NKAIN2: variants seen among roughly 807,000 people sequenced by gnomAD.
The protein encoded by NKAIN2 is sodium/potassium transporting ATPase interacting 2.
In NKAIN2, 14 loss-of-function variants were observed where a neutral mutation model predicts 32.6. The ratio of observed to expected loss-of-function variants is 0.43; its 90% confidence interval spans 0.28 to 0.67. The LOEUF (loss-of-function observed/expected upper bound fraction) is 0.67. NKAIN2 is among the 30% of genes least tolerant of loss of function. NKAIN2 has a pLI of 0.17. For synonymous variants in NKAIN2, 80 were observed against 87.2 expected (o/e 0.92, Z 0.46); for missense variants, 198 against 258.3 (o/e 0.77, Z 1.60).
intron 2 of NKAIN2, among the ~76,000 whole-genome samples, chr6:124,351,238 G>T (rs949879701): frequency 1.3e-5 from 2 of 152,040 alleles, no homozygotes; most frequent in African/African-American, 4.8e-5. Flanking sequence ...CAATATGATG[G>T]AACAATGTTT....
At chr6:123,948,461 C>T (rs1231536691) in intron 1 of NKAIN2, among the ~76,000 whole-genome samples, 2 of 151,846 alleles carry the variant, frequency 1.3e-5, no homozygotes, top group African/African-American at 4.8e-5. Flanking sequence ...ATAATTTTAA[C>T]TAGAGTAAGA....
intron 3 of NKAIN2, among the ~76,000 whole-genome samples, chr6:124,614,403 T>TAATC (rs1472451040): frequency 6.6e-6 from 1 of 152,086 alleles, no homozygotes; most frequent in East Asian, 1.9e-4. Flanking sequence ...CGAAAAAAAT[T>TAATC]AATCATCCAC....
At chr6:124,368,866 C>T (rs1799629731) in intron 3 of NKAIN2, among the ~76,000 whole-genome samples, 1 of 152,106 alleles carries the variant, frequency 6.6e-6, no homozygotes, top group Non-Finnish European at 1.5e-5. Context: ...TTCTCAGCAA[C>T]CTTTTATTCT....
rs185537946 is a variant in NKAIN2, at chr6:124,543,561, A to G, written c.274-114625A>G. 1.7e-3 allele frequency among the ~76,000 whole-genome samples: 260 copies of G among 152,342 alleles called. 1 individual carries two copies. Among genetic ancestry groups the G allele is most frequent in the Non-Finnish European group, 3.0e-3 (201 of 68,034 alleles). ...AGATTTAAATTATTATTGTATAATA[A>G]GGTGTTAAATTAGAAATTTTGACTG... is the stretch of plus-strand genomic sequence containing the variant. On this transcript the variant is annotated intron_variant, in intron 3 of 6. Transcript: ENST00000368417.
At chr6:123,952,018 G>T (rs1777350731) in intron 1 of NKAIN2, among the ~76,000 whole-genome samples, 1 of 151,770 alleles carries the variant, frequency 6.6e-6, no homozygotes, top group Non-Finnish European at 1.5e-5. Context: ...GTGTTTTCAT[G>T]ATGGTACATA....
intron 5 of NKAIN2, among the ~76,000 whole-genome samples, chr6:124,804,008 A>C (rs1335715652): frequency 6.6e-6 from 1 of 152,140 alleles, no homozygotes; most frequent in Admixed American, 6.5e-5. Flanking sequence ...TCCTCACTTT[A>C]CAGAGGAAGA....
chr6:123,898,109 T>C (rs1453762598), intron 1 of NKAIN2, among the ~76,000 whole-genome samples: 1 of 152,196 alleles, frequency 6.6e-6, no homozygotes, highest in Non-Finnish European at 1.5e-5. Context: ...GATCTCATCA[T>C]TGCAGGATGA....
intron 4 of NKAIN2, among the ~76,000 whole-genome samples, chr6:124,727,829 C>T (rs1322264533): frequency 1.3e-5 from 2 of 150,254 alleles, no homozygotes; most frequent in Non-Finnish European, 3.0e-5. Context: ...TGTGCAGAGA[C>T]ACACATAGGC....
intron 3 of NKAIN2, among the ~76,000 whole-genome samples, chr6:124,657,610 T>A (rs985028962): frequency 1.4e-4 from 22 of 152,034 alleles, no homozygotes; most frequent in African/African-American, 5.3e-4. Context: ...TCACAAAAAG[T>A]GATAAGATTG....
At chr6:124,115,902 A>T (rs2114979238) in intron 1 of NKAIN2, among the ~76,000 whole-genome samples, 2 of 152,194 alleles carry the variant, frequency 1.3e-5, no homozygotes, top group East Asian at 3.9e-4. Context: ...GTTTTGAATA[A>T]TGTTGGTGTC....
At chr6:124,016,580 T>A (rs1011911617) in intron 1 of NKAIN2, among the ~76,000 whole-genome samples, 2 of 152,158 alleles carry the variant, frequency 1.3e-5, no homozygotes. Context: ...TTTCACTTTC[T>A]CTGAGCCTAC....
chr6:124,205,192 G>A (rs944676896), intron 1 of NKAIN2, among the ~76,000 whole-genome samples: 2 of 151,758 alleles, frequency 1.3e-5, no homozygotes, highest in African/African-American at 2.4e-5. Context: ...AGATGAAGAT[G>A]GCTATGAAGG....
At chr6:123,914,706 G>C (rs542794002) in intron 1 of NKAIN2, among the ~76,000 whole-genome samples, 2 of 152,176 alleles carry the variant, frequency 1.3e-5, no homozygotes, top group South Asian at 4.1e-4. Flanking sequence ...GTCTCTCTCT[G>C]CCCTTAACTG....
intron 1 of NKAIN2, among the ~76,000 whole-genome samples, chr6:123,892,572 T>G (rs137959627): frequency 6.6e-6 from 1 of 152,002 alleles, no homozygotes; most frequent in Non-Finnish European, 1.5e-5. Flanking sequence ...GGGATTATTA[T>G]AATTCAAAAT....
intron 2 of NKAIN2, among the ~76,000 whole-genome samples, chr6:124,284,719 G>A (rs186678025): frequency 1.1e-3 from 167 of 151,902 alleles, no homozygotes; most frequent in African/African-American, 3.6e-3. Context: ...CCCTAGCACC[G>A]TGCTTGATAT....
At chr6:124,732,553 G>T (rs556929988) in intron 4 of NKAIN2, among the ~76,000 whole-genome samples, 1 of 152,092 alleles carries the variant, frequency 6.6e-6, no homozygotes, top group Admixed American at 6.6e-5. Flanking sequence ...CCATTTTATA[G>T]AGAGTGAGAT....
chr6:124,089,658 G>C (rs1265271560), intron 1 of NKAIN2, among the ~76,000 whole-genome samples: 1 of 151,862 alleles, frequency 6.6e-6, no homozygotes, highest in Non-Finnish European at 1.5e-5. Flanking sequence ...CTGAACCCGG[G>C]TGCCTACCTC....
chr6:124,050,412 C>A (rs948554502), intron 1 of NKAIN2, among the ~76,000 whole-genome samples: 1 of 151,978 alleles, frequency 6.6e-6, no homozygotes, highest in South Asian at 2.1e-4. Context: ...TGTGTCACAT[C>A]CTTCAGTTGT....
rs35165515 is a variant in NKAIN2 at position 123,910,499 on chromosome 6, G to GTTTTTTTTTTTTTTTTTTTTTT, written c.54+106247_54+106268dup. On this transcript the variant is annotated intron_variant, in intron 1 of 6. Coordinates refer to ENST00000368417, the MANE Select transcript of NKAIN2 (RefSeq NM_001040214.3). ...TTTGAGGACATTACCTGCAATGCAT[G>GTTTTTTTTTTTTTTTTTTTTTT]TTTTTTTTTTTTTTTTTTTTTTTGA... Among the ~76,000 whole-genome samples the GTTTTTTTTTTTTTTTTTTTTTT allele has an allele frequency of 7.4e-5, 6 of 81,318 alleles. 1 individual carries two copies. Among genetic ancestry groups the GTTTTTTTTTTTTTTTTTTTTTT allele is most frequent in the African/African-American group, 3.0e-4 (6 of 19,926 alleles). 53.3% of individuals were successfully genotyped at this position (81,318 alleles called of 152,430 possible). A position where few individuals can be genotyped will look rare whatever the true frequency, so the allele number is the denominator to read the frequency against.
Sources: allele counts gnomAD v4.1 joint callset (sites outside exome capture counted in the v4.1 genomes callset), GRCh38; gene constraint gnomAD v4.1.1; transcripts MANE v1.5; gene names NCBI Gene and HGNC (gene_info 2026-07-23, HGNC 2026-07-21).